The following SLC20A2 variants were observed in gnomAD, a reference collection of about 807,000 sequenced individuals.
The protein encoded by SLC20A2 is solute carrier family 20 member 2, also known as sodium-dependent phosphate transporter 2.
In SLC20A2, 30 loss-of-function variants were observed where a neutral mutation model predicts 61.0. That is an observed-to-expected ratio of 0.49 (90% confidence interval 0.37 to 0.67). The LOEUF (loss-of-function observed/expected upper bound fraction) is 0.67, where lower values mean the gene tolerates loss of function less well. Ranked by LOEUF, SLC20A2 falls within the 30% of genes least tolerant of loss-of-function variation. The pLI is 0.00. For missense variants in SLC20A2, 626 were observed against 866.4 expected, an observed-to-expected ratio of 0.72 and a Z score of 3.48; for synonymous variants, 351 against 353.3, an observed-to-expected ratio of 0.99 and a Z score of 0.07.
chr8:42,472,157 G>C lies in SLC20A2; in HGVS notation c.234C>G (p.Asn78Lys). ...ETIRKGIIDV[N>K]LYNETVETLM... ...GAGTCTCCACCGTCTCGTTGTACAG[G>C]TTCACGTCAATGATACCTTTGCGAA... Residue 78 changes from asparagine to lysine, a missense_variant, in exon 2 of 11, where the codon AAC becomes AAG. By Grantham distance (94) the Asn-to-Lys change is moderately conservative. Around this residue, in one of 3 missense-constraint regions of SLC20A2, gnomAD observed 127 missense variants for 215.4 expected, o/e 0.59. Transcript: ENST00000520262. This position sits in a 1 kb window ranked among gnomAD's most constrained non-coding sequence, Gnocchi z 4.1. 1 of 1,614,022 alleles carries C rather than the reference G, an allele frequency of 6.2e-7. No homozygotes were observed. Among genetic ancestry groups the C allele is most frequent in the East Asian group, 2.2e-5 (1 of 44,884 alleles).
chr8:42,434,913 AGTGT>A (rs369304589), intron 8 of SLC20A2, among the ~76,000 whole-genome samples: 1 of 143,002 alleles, frequency 7.0e-6, no homozygotes, highest in African/African-American at 3.0e-5. Flanking sequence ...TGCGCATGTG[AGTGT>A]GTGTGCGTGT....
intron 1 of SLC20A2, among the ~76,000 whole-genome samples, chr8:42,533,654 C>CTTTTTCTCTTTT (rs1812496566): frequency 1.8e-5 from 1 of 55,308 alleles, no homozygotes; most frequent in African/African-American, 8.1e-5. Flanking sequence ...ATCAACTGTT[C>CTTTTTCTCTTTT]TTTTTTTTTT....
intron 1 of SLC20A2, among the ~76,000 whole-genome samples, chr8:42,508,494 G>A (rs1216872925): frequency 1.3e-5 from 2 of 152,180 alleles, no homozygotes; most frequent in Non-Finnish European, 2.9e-5. Flanking sequence ...AGGTTCAAGT[G>A]ATTGTCCTGC....
At chr8:42,483,372 A>C (rs887328573) in intron 1 of SLC20A2, among the ~76,000 whole-genome samples, 2 of 152,206 alleles carry the variant, frequency 1.3e-5, no homozygotes, top group Non-Finnish European at 2.9e-5. Flanking sequence ...ACTCCGTCTT[A>C]AAAACAAACA....
At chr8:42,509,753 CAACAAAACAA>C (rs959893370) in intron 1 of SLC20A2, among the ~76,000 whole-genome samples, 1 of 151,656 alleles carries the variant, frequency 6.6e-6, no homozygotes, top group Non-Finnish European at 1.5e-5. Context: ...GAACTTGTCT[CAACAAAACAA>C]AACAAAACAA....
chr8:42,466,590 AT>A (rs1807189922), intron 2 of SLC20A2, among the ~76,000 whole-genome samples: 2 of 152,272 alleles, frequency 1.3e-5, no homozygotes, highest in Non-Finnish European at 2.9e-5. Flanking sequence ...TTACAGTCAC[AT>A]AATGAAAAGG....
chr8:42,510,119 T>C (rs1810947216), intron 1 of SLC20A2, among the ~76,000 whole-genome samples: 1 of 152,240 alleles, frequency 6.6e-6, no homozygotes. Context: ...TGCAGTTTTA[T>C]TACTTGAATC....
chr8:42,485,895 G>A (rs369760446), intron 1 of SLC20A2, among the ~76,000 whole-genome samples: 6 of 150,796 alleles, frequency 4.0e-5, no homozygotes, highest in Non-Finnish European at 8.8e-5. Flanking sequence ...GCAGTGAGCC[G>A]AGATTGCGCT....
At chr8:42,495,674 C>T (rs1240237335) in intron 1 of SLC20A2, among the ~76,000 whole-genome samples, 3 of 152,150 alleles carry the variant, frequency 2.0e-5, no homozygotes, top group Non-Finnish European at 4.4e-5. Context: ...TCTTTTCTCA[C>T]CTCAAGCAAT....
At chr8:42,467,461 C>T (rs1179625163) in intron 2 of SLC20A2, among the ~76,000 whole-genome samples, 1 of 152,180 alleles carries the variant, frequency 6.6e-6, no homozygotes, top group Non-Finnish European at 1.5e-5. Context: ...GAACAAAGGG[C>T]CTGGCTGATA....
chr8:42,436,787 T>C (rs1447770638), intron 8 of SLC20A2, among the ~76,000 whole-genome samples: 1 of 152,238 alleles, frequency 6.6e-6, no homozygotes, highest in Non-Finnish European at 1.5e-5. Flanking sequence ...GCCCTGTGTC[T>C]ATCTACCTTA....
intron 1 of SLC20A2, among the ~76,000 whole-genome samples, chr8:42,494,360 ATAGT>A (rs1297481658): frequency 6.6e-6 from 1 of 152,210 alleles, no homozygotes; most frequent in Non-Finnish European, 1.5e-5. Context: ...ATTAATTAAA[ATAGT>A]TACTTTTTAA....
intron 5 of SLC20A2, among the ~76,000 whole-genome samples, chr8:42,448,108 C>T (rs1563469096): frequency 6.6e-6 from 1 of 152,244 alleles, no homozygotes. Flanking sequence ...GAATGGTACC[C>T]GCTCTTTACC....
chr8:42,423,069 T>G (rs1437185525), intron 10 of SLC20A2, among the ~76,000 whole-genome samples: 2 of 152,222 alleles, frequency 1.3e-5, no homozygotes, highest in Non-Finnish European at 2.9e-5. Context: ...AATTAAACCA[T>G]TTAAAGATAT....
chr8:42,464,132 G>C (rs1470945213), intron 3 of SLC20A2, among the ~76,000 whole-genome samples: 1 of 24,782 alleles, frequency 4.0e-5, no homozygotes, highest in Non-Finnish European at 1.7e-4. Context: ...TTGAGACAGG[G>C]TCTTGCTCTG....
intron 10 of SLC20A2, among the ~76,000 whole-genome samples, chr8:42,426,843 A>G (rs998565405): frequency 2.6e-5 from 4 of 152,246 alleles, no homozygotes; most frequent in African/African-American, 9.6e-5. Flanking sequence ...AAGACAACTG[A>G]TGCCTATAGA....
At chr8:42,438,073 A>AAAAAAAAAAAAAAAAAAATGG (rs1804468464) in intron 7 of SLC20A2, among the ~76,000 whole-genome samples, 1 of 149,064 alleles carries the variant, frequency 6.7e-6, no homozygotes, top group African/African-American at 2.5e-5. Flanking sequence ...CAAAAAAAAA[A>AAAAAAAAAAAAAAAAAAATGG]AAAAAAAAAA....
At chr8:42,444,887 C>G (rs1805086852) in intron 5 of SLC20A2, 125 bp from the exon 6 acceptor site, 4 of 644,212 alleles carry the variant, frequency 6.2e-6, no homozygotes, top group East Asian at 5.3e-5. Context: ...GAATAAAACT[C>G]TCAACTAAAA....
At chr8:42,441,682 T>C (rs1281161627) in intron 6 of SLC20A2, among the ~76,000 whole-genome samples, 2 of 151,620 alleles carry the variant, frequency 1.3e-5, no homozygotes, top group African/African-American at 4.9e-5. Context: ...TTGGCCAAGA[T>C]GGTCTCAATC....
Sources: allele counts gnomAD v4.1 joint callset (sites outside exome capture counted in the v4.1 genomes callset), GRCh38; gene constraint gnomAD v4.1.1; regional missense constraint gnomAD v4.1.1; non-coding constraint Gnocchi (gnomAD v3.1); transcripts MANE v1.5; gene names NCBI Gene and HGNC (gene_info 2026-07-23, HGNC 2026-07-21).